Variants in FAM219A observed in about 807,000 individuals in gnomAD.
FAM219A encodes family with sequence similarity 219 member A, also known as protein FAM219A.
FAM219A carries 7 observed loss-of-function variants against 23.4 expected under a neutral mutation model. The ratio of observed to expected loss-of-function variants is 0.30; its 90% confidence interval spans 0.17 to 0.56. FAM219A has a LOEUF of 0.56. Ranked by LOEUF, FAM219A falls within the 20% of genes least tolerant of loss-of-function variation. The pLI, the probability that FAM219A is intolerant of heterozygous loss-of-function variation, is 0.92. For synonymous variants in FAM219A, 93 were observed against 99.0 expected, an observed-to-expected ratio of 0.94 and a Z score of 0.36; for missense variants, 166 against 246.9, an observed-to-expected ratio of 0.67 and a Z score of 2.20.
At position 34,401,015 on chromosome 9, in the gene FAM219A, G is replaced by T. The variant is rs759689001; in HGVS notation, c.507C>A (p.Pro169=). 7.5e-6 allele frequency: 12 copies of T among 1,594,990 alleles called. No homozygotes were observed. In the South Asian group the frequency reaches 7.8e-5, roughly 10 times the overall value. ...ACGTGGCCTGGCAGCACATGCACGTGGGGTTCACGGACTTGGGGGGGATGA... is the reference window on the plus strand; with the variant it reads ...ACGTGGCCTGGCAGCACATGCACGTTGGGTTCACGGACTTGGGGGGGATGA... ...LDLIPPKSVN[P]TCMCCQATSS... Residue 169 remains proline, a synonymous_variant, in exon 6 of 6, where the codon CCC becomes CCA. Coordinates refer to ENST00000651358, the MANE Select transcript of FAM219A (RefSeq NM_001184940.2).
intron 1 of FAM219A, among the ~76,000 whole-genome samples, chr9:34,415,928 C>G (rs1821986312): frequency 6.6e-6 from 1 of 152,036 alleles, no homozygotes; most frequent in Non-Finnish European, 1.5e-5. Context: ...TAGAGCCTGC[C>G]TTACCCATCC....
chr9:34,416,251 GAAAGAAA>G (rs1822015202), intron 1 of FAM219A, among the ~76,000 whole-genome samples: 38 of 126,912 alleles, frequency 3.0e-4, no homozygotes, highest in African/African-American at 4.8e-4. Context: ...AAGAAAGAAA[GAAAGAAA>G]GGGGGAGGGA....
rs1385338389 is a variant in FAM219A, at chr9:34,457,729, T to G, written c.60+475A>C. ...CCGGCCCAGCGTTCCTGTCCGTATA[T>G]CCAGCGGACAGGCGGGCAAGCCCCT... On this transcript the variant is annotated intron_variant, in intron 1 of 5. Coordinates refer to ENST00000651358, the MANE Select transcript of FAM219A (RefSeq NM_001184940.2). This position sits in a 1 kb window ranked among gnomAD's most constrained non-coding sequence, Gnocchi z 5.1. Among the ~76,000 whole-genome samples the G allele has an allele frequency of 6.6e-6, 1 of 151,728 alleles. No homozygotes were observed. The highest frequency in any genetic ancestry group is 1.5e-5 in the Non-Finnish European group (1 of 67,936).
chr9:34,437,477 G>C (rs1365237709), intron 1 of FAM219A, among the ~76,000 whole-genome samples: 1 of 152,176 alleles, frequency 6.6e-6, no homozygotes, highest in Non-Finnish European at 1.5e-5. Context: ...TTCAGTTCTA[G>C]AATATACCGA....
chr9:34,416,302 GGAAGGAAC>G (rs1273044951), intron 1 of FAM219A, among the ~76,000 whole-genome samples: 18 of 116,150 alleles, frequency 1.5e-4, no homozygotes, highest in African/African-American at 4.8e-4. Flanking sequence ...AAGGAAGGAA[GGAAGGAAC>G]GAAGGAAGGA....
chr9:34,441,755 G>C (rs1277128234), intron 1 of FAM219A, among the ~76,000 whole-genome samples: 5 of 151,996 alleles, frequency 3.3e-5, no homozygotes, highest in African/African-American at 9.7e-5. Context: ...TTTGAGACAG[G>C]GTCTCGCTCT....
At chr9:34,426,950 CTTT>C (rs879412912) in intron 1 of FAM219A, among the ~76,000 whole-genome samples, 1 of 145,638 alleles carries the variant, frequency 6.9e-6, no homozygotes, top group South Asian at 2.2e-4. Context: ...TCAACCAGCA[CTTT>C]TTTTTTTTTT....
chr9:34,444,529 G>A (rs1048715595), intron 1 of FAM219A, among the ~76,000 whole-genome samples: 7 of 152,134 alleles, frequency 4.6e-5, no homozygotes, highest in African/African-American at 1.4e-4. Context: ...CAAAGCTGAC[G>A]GCACAGTTAT....
chr9:34,402,116 A>T (rs1821464203), intron 4 of FAM219A: 25 of 1,421,444 alleles, frequency 1.8e-5, no homozygotes, highest in Non-Finnish European at 2.3e-5. Context: ...TCCAGAGACA[A>T]CATCACAGGC....
Position 34,454,903 on chromosome 9 carries a change from C to T in FAM219A, c.60+3301G>A, listed in dbSNP as rs895546323. 3.3e-5 allele frequency among the ~76,000 whole-genome samples: 5 copies of T among 152,096 alleles called. No homozygotes were observed. The South Asian group carries it at 6.2e-4, about 19-fold the overall frequency. On this transcript the variant is annotated intron_variant, in intron 1 of 5. Coordinates refer to ENST00000651358, the MANE Select transcript of FAM219A (RefSeq NM_001184940.2). The stretch of plus-strand genomic sequence containing the variant: ...GATGGGGAGAGTTATTTGATGATGG[C>T]GCCCATGTGACAAGCCTCTATCCAT...
At chr9:34,422,903 C>T (rs563501651) in intron 1 of FAM219A, among the ~76,000 whole-genome samples, 1 of 152,304 alleles carries the variant, frequency 6.6e-6, no homozygotes, top group South Asian at 2.1e-4. Context: ...CGGTGGCTCA[C>T]ACCTGTAATC....
At chr9:34,407,233 G>T (rs956258672) in intron 1 of FAM219A, among the ~76,000 whole-genome samples, 3 of 152,120 alleles carry the variant, frequency 2.0e-5, no homozygotes, top group African/African-American at 7.2e-5. Flanking sequence ...CAGGGGTGCT[G>T]CCATCCTAGC....
At chr9:34,424,929 C>T (rs1279257118) in intron 1 of FAM219A, among the ~76,000 whole-genome samples, 2 of 152,072 alleles carry the variant, frequency 1.3e-5, no homozygotes, top group East Asian at 1.9e-4. Context: ...CTTAGCCTCC[C>T]GAGGAACTAG....
At chr9:34,415,826 A>T (rs1821982369) in intron 1 of FAM219A, among the ~76,000 whole-genome samples, 1 of 152,222 alleles carries the variant, frequency 6.6e-6, no homozygotes, top group Non-Finnish European at 1.5e-5. Flanking sequence ...AGAGAGAGCC[A>T]TTGGGGAGGG....
Position 34,398,466 on chromosome 9 carries a change from G to A in FAM219A, c.*2498C>T. On this transcript the variant is annotated 3_prime_UTR_variant, in exon 6 of 6. Coordinates refer to ENST00000651358, the MANE Select transcript of FAM219A (RefSeq NM_001184940.2). ...CTCCAACCTCCCAGACAGGGAAGGA[G>A]GGAGCCACACCCCTCCCTAGACACA... 1 of 1,316,380 alleles carries A rather than the reference G, an allele frequency of 7.6e-7. No individual in the cohort carries two copies. Among genetic ancestry groups the A allele is most frequent in the Admixed American group, 2.0e-5 (1 of 49,182 alleles). 81.5% of individuals were successfully genotyped at this position (1,316,380 alleles called of 1,614,324 possible). A position where few individuals can be genotyped will look rare whatever the true frequency, so the allele number is the denominator to read the frequency against.
At chr9:34,411,265 C>T (rs1039007455) in intron 1 of FAM219A, among the ~76,000 whole-genome samples, 28 of 152,098 alleles carry the variant, frequency 1.8e-4, no homozygotes, top group Non-Finnish European at 5.9e-5. Context: ...AGAAAAGAGT[C>T]CCAGCTGGGC....
In FAM219A at chr9:34,401,249, C is replaced by T. The variant is rs747157875; in HGVS notation, c.400-127G>A. On this transcript the variant is annotated intron_variant, in intron 5 of 5. Transcript: ENST00000651358. ...CCTGGATATCAGCCCCGCCCTGTCCCGGGTCTGTCTGTACCCCCAGGCCCC... is the reference window on the plus strand; with the variant it reads ...CCTGGATATCAGCCCCGCCCTGTCCTGGGTCTGTCTGTACCCCCAGGCCCC... 736 of 1,215,240 alleles carry T rather than the reference C, an allele frequency of 6.1e-4. 1 individual carries two copies. The highest frequency in any genetic ancestry group is 4.5e-4 in the Non-Finnish European group (394 of 867,656). 75.3% of individuals were successfully genotyped at this position (1,215,240 alleles called of 1,614,324 possible). A position where few individuals can be genotyped will look rare whatever the true frequency, so the allele number is the denominator to read the frequency against.
intron 1 of FAM219A, among the ~76,000 whole-genome samples, chr9:34,432,900 G>A (rs1822767138): frequency 6.6e-6 from 1 of 152,144 alleles, no homozygotes; most frequent in Non-Finnish European, 1.5e-5. Flanking sequence ...GTCTCACAAT[G>A]TTGCCCACAC....
rs780053303 is a variant in FAM219A, at chr9:34,458,301, CCGCGGA to C, written c.-44_-39del. ...CGAGCGGGCCAGGGGCCGGGCGCGGCCGCGGACGCCGACAGGACCGCGCGGGGCGGC... is the reference window on the plus strand; with the variant it reads ...CGAGCGGGCCAGGGGCCGGGCGCGGCCGCCGACAGGACCGCGCGGGGCGGC... On this transcript the variant is annotated 5_prime_UTR_variant, in exon 1 of 6. Transcript: ENST00000651358. The surrounding 1 kb of genome is among the most constrained non-coding windows in gnomAD (Gnocchi z 6.6). 1.5e-6 allele frequency: 2 copies of C among 1,335,404 alleles called. No homozygotes were observed. Among genetic ancestry groups the C allele is most frequent in the Non-Finnish European group, 1.9e-6 (2 of 1,042,280 alleles). The allele number at this position is 1,335,404 out of a possible 1,614,324, so 82.7% of individuals were successfully genotyped here. A position where few individuals can be genotyped will look rare whatever the true frequency, so the allele number is the denominator to read the frequency against.
Sources: allele counts gnomAD v4.1 joint callset (sites outside exome capture counted in the v4.1 genomes callset), GRCh38; gene constraint gnomAD v4.1.1; non-coding constraint Gnocchi (gnomAD v3.1); transcripts MANE v1.5; gene names NCBI Gene and HGNC (gene_info 2026-07-23, HGNC 2026-07-21).